The following SRGAP2 variants were observed in gnomAD, a reference collection of about 807,000 sequenced individuals.
The protein encoded by SRGAP2 is SLIT-ROBO Rho GTPase activating protein 2.
SRGAP2 carries 15 observed loss-of-function variants against 57.2 expected under a neutral mutation model. The ratio of observed to expected loss-of-function variants is 0.26; its 90% CI spans 0.18 to 0.40. The LOEUF is 0.40. Among genes scored for constraint, SRGAP2 ranks in the 10% least tolerant of loss-of-function variants. The pLI is 1.00. For synonymous variants in SRGAP2, 249 were observed against 248.0 expected (o/e 1.00, Z -0.04); for missense variants, 520 against 669.6 (o/e 0.78, Z 2.47).
intron 3 of SRGAP2, chr1:206,333,242 C>T (rs1553332503): frequency 4.8e-6 from 4 of 835,714 alleles, no homozygotes; most frequent in Non-Finnish European, 8.0e-6. Flanking sequence ...AATCACCCGT[C>T]TTCTGCGTCG....
chr1:206,332,793 CCTT>C (rs1165509754), intron 3 of SRGAP2, among the ~76,000 whole-genome samples: 12 of 151,924 alleles, frequency 7.9e-5, no homozygotes, highest in East Asian at 1.9e-4. Context: ...TCGTCTGAAG[CCTT>C]CTTCTCTCAG....
At position 206,454,500 on chromosome 1, in the gene SRGAP2, T is replaced by C; in HGVS notation, c.2361-378T>C. 2.3e-6 allele frequency: 1 copy of C among 431,660 alleles called. No homozygotes were observed. Among genetic ancestry groups the C allele is most frequent in the Non-Finnish European group, 4.1e-6 (1 of 242,998 alleles). 26.7% of individuals were successfully genotyped at this position (431,660 alleles called of 1,614,324 possible). A position where few individuals can be genotyped will look rare whatever the true frequency, so the allele number is the denominator to read the frequency against. On this transcript the variant is annotated intron_variant, in intron 20 of 22. Coordinates refer to ENST00000573034, the MANE Select transcript of SRGAP2 (RefSeq NM_015326.5). The surrounding 1 kb of genome is among the most constrained non-coding windows in gnomAD (Gnocchi z 4.3). ...GTTGACTGTCCTTACCCGGCAGTGC[T>C]CAGGACCTCAGCCGATAAACCACAA...
chr1:206,354,769 C>T (rs1676307557), intron 4 of SRGAP2, among the ~76,000 whole-genome samples: 1 of 150,780 alleles, frequency 6.6e-6, no homozygotes, highest in South Asian at 2.1e-4. Flanking sequence ...TCTCCCTCCT[C>T]TGTCTCTCTC....
In SRGAP2 at chr1:206,377,760, A is replaced by G. The variant is rs1228080351; in HGVS notation, c.424-6254A>G. ...ACCACAAGTGCCTGACACTTAATAG[A>G]TGTTCTATAAATATTTGCTGATGGA... On this transcript the variant is annotated intron_variant, in intron 4 of 22. Transcript: ENST00000573034. 1.2e-3 allele frequency among the ~76,000 whole-genome samples: 18 copies of G among 14,732 alleles called. No individual in the cohort carries two copies. The South Asian group carries it at 0.014, about 11-fold the overall frequency. The allele number at this position is 14,732 out of a possible 152,430, so 9.7% of individuals were successfully genotyped here. A position where few individuals can be genotyped will look rare whatever the true frequency, so the allele number is the denominator to read the frequency against.
At chr1:206,371,624 G>C (rs1654557373) in intron 4 of SRGAP2, among the ~76,000 whole-genome samples, 1 of 151,614 alleles carries the variant, frequency 6.6e-6, no homozygotes, top group South Asian at 2.1e-4. Flanking sequence ...CCAGCTACTT[G>C]GGAGGCTGAG....
chr1:206,444,860 G>A (rs1245034981), intron 17 of SRGAP2, among the ~76,000 whole-genome samples: 1 of 152,222 alleles, frequency 6.6e-6, no homozygotes, highest in Non-Finnish European at 1.5e-5. Context: ...CTAGAGAACA[G>A]TGATTCTCAA....
chr1:206,314,191 A>G (rs1184746903), intron 3 of SRGAP2, among the ~76,000 whole-genome samples: 27 of 150,314 alleles, frequency 1.8e-4, no homozygotes, highest in African/African-American at 6.1e-4. Context: ...CTGGAGTGCA[A>G]TGGCACGATC....
chr1:206,435,961 A>T (rs1455601329), intron 14 of SRGAP2, among the ~76,000 whole-genome samples: 1 of 152,220 alleles, frequency 6.6e-6, no homozygotes, highest in African/African-American at 2.4e-5. Flanking sequence ...GTAGTCAGGA[A>T]CCAGTGCCTA....
At chr1:206,337,994 C>T (rs1325630318) in intron 3 of SRGAP2, among the ~76,000 whole-genome samples, 2 of 152,188 alleles carry the variant, frequency 1.3e-5, no homozygotes, top group African/African-American at 2.4e-5. Context: ...CTAATGTCTT[C>T]GAAGCTAATG....
intron 4 of SRGAP2, among the ~76,000 whole-genome samples, chr1:206,360,627 T>C (rs1481349911): frequency 1.3e-5 from 2 of 152,234 alleles, no homozygotes; most frequent in African/African-American, 2.4e-5. Context: ...CCAATAGGAT[T>C]TGCTGCTTGA....
In SRGAP2 at chr1:206,453,343, G is replaced by A; in HGVS notation, c.2323G>A (p.Gly775Arg). The A allele has an allele frequency of 2.7e-6, 2 of 741,026 alleles. No homozygotes were observed. Among genetic ancestry groups the A allele is most frequent in the Non-Finnish European group, 5.0e-6 (2 of 397,110 alleles). 45.9% of individuals were successfully genotyped at this position (741,026 alleles called of 1,614,324 possible). The change falls in exon 20 of 23, where the codon GGA becomes AGA. Residue 775 changes from glycine to arginine, a missense_variant. Gly to Arg is a moderately radical substitution (Grantham distance 125). This residue lies in a region of SRGAP2 where 478 missense variants were observed against 373.6 expected (regional missense o/e 1.28). Transcript: ENST00000573034. ...WWEGRHNGID[G>R]LIPHQYIVVQ... ...GGAAGGCCGGCACAATGGCATCGAC[G>A]GACTCATCCCCCATCAGTACATCGT...
chr1:206,218,463 A>AGG (rs1666791201), intron 2 of SRGAP2, among the ~76,000 whole-genome samples: 1 of 142,664 alleles, frequency 7.0e-6, no homozygotes, highest in African/African-American at 2.7e-5. Flanking sequence ...ACACTTATGG[A>AGG]GGGTAGGCCC....
chr1:206,306,590 T>C (rs1423262500), intron 3 of SRGAP2, among the ~76,000 whole-genome samples: 5 of 152,192 alleles, frequency 3.3e-5, no homozygotes, highest in African/African-American at 4.8e-5. Flanking sequence ...AGCCTGCTTT[T>C]AGTCTCTTAT....
intron 2 of SRGAP2, among the ~76,000 whole-genome samples, chr1:206,213,972 G>A (rs1291771627): frequency 5.9e-5 from 9 of 151,918 alleles, no homozygotes; most frequent in South Asian, 2.1e-4. Flanking sequence ...CTAGTCCTAG[G>A]GCCTCATGCC....
At chr1:206,333,515 C>T (rs2102884438) in intron 3 of SRGAP2, 2 of 1,141,344 alleles carry the variant, frequency 1.8e-6, no homozygotes, top group East Asian at 2.4e-5. Flanking sequence ...TGTGTCCTCC[C>T]TCTACCTCCG....
intron 3 of SRGAP2, among the ~76,000 whole-genome samples, chr1:206,312,852 A>G (rs1672760220): frequency 6.6e-6 from 1 of 151,926 alleles, no homozygotes; most frequent in Non-Finnish European, 1.5e-5. Flanking sequence ...TGAAGAGCAT[A>G]AATGTATTCC....
chr1:206,439,723 C>G (rs1170675643), intron 16 of SRGAP2, among the ~76,000 whole-genome samples: 2 of 152,108 alleles, frequency 1.3e-5, no homozygotes, highest in Non-Finnish European at 2.9e-5. Context: ...GGATTTGGCA[C>G]AGTTCCCTGT....
At chr1:206,262,294 AGT>A (rs1669602379) in intron 2 of SRGAP2, among the ~76,000 whole-genome samples, 1 of 149,038 alleles carries the variant, frequency 6.7e-6, no homozygotes, top group African/African-American at 2.5e-5. Context: ...TCTACCATGC[AGT>A]GTTTTTGTTT....
intron 2 of SRGAP2, among the ~76,000 whole-genome samples, chr1:206,260,930 A>G (rs1395806708): frequency 1.3e-5 from 2 of 152,264 alleles, no homozygotes; most frequent in Non-Finnish European, 2.9e-5. Flanking sequence ...CGAGTGCAAC[A>G]TTGATGATGA....
Sources: gnomAD v4.1 joint callset for allele counts (sites outside exome capture counted in the v4.1 genomes callset) on GRCh38, gnomAD v4.1.1 for gene constraint, gnomAD v4.1.1 regional missense constraint, Gnocchi (gnomAD v3.1) non-coding constraint, MANE v1.5 for transcripts, NCBI Gene and HGNC (gene_info 2026-07-23, HGNC 2026-07-21) for gene names.